VOPP1: variants seen among roughly 807,000 people sequenced by gnomAD.
The protein encoded by VOPP1 is WW domain binding protein VOPP1.
A neutral mutation model predicts 23.5 loss-of-function variants in VOPP1; 8 were observed. That is an observed-to-expected ratio of 0.34 (90% confidence interval 0.20 to 0.61). The LOEUF (loss-of-function observed/expected upper bound fraction) is 0.61. VOPP1 is among the 20% of genes least tolerant of loss of function. The probability of loss-of-function intolerance (pLI) is 0.78; values close to 1 mark genes in which losing one functional copy is unlikely to be tolerated. For missense variants in VOPP1, 174 were observed against 238.1 expected (o/e 0.73, Z 1.77); for synonymous variants, 83 against 97.3 (o/e 0.85, Z 0.86).
chr7:55,524,844 C>T (rs909384814), intron 1 of VOPP1, among the ~76,000 whole-genome samples: 1 of 152,168 alleles, frequency 6.6e-6, no homozygotes, highest in Admixed American at 6.5e-5. Context: ...ATGAGAAAGG[C>T]AGTCTCTGCC....
At chr7:55,457,111 C>T (rs1233888749) in intron 4 of VOPP1, among the ~76,000 whole-genome samples, 3 of 152,148 alleles carry the variant, frequency 2.0e-5, no homozygotes, top group East Asian at 1.9e-4. Flanking sequence ...ACTTCCCAGC[C>T]TCTGGTAATT....
In VOPP1 at chr7:55,538,536, T is replaced by C. The variant is rs902453945; in HGVS notation, c.55-17406A>G. On this transcript the variant is annotated intron_variant, in intron 1 of 4. Transcript: ENST00000285279. The stretch of plus-strand genomic sequence containing the variant: ...ACCCTATGGTCCAAAGACTGAGGAT[T>C]CCACAGTCCAACTGAGGATCACTGT... 3 of 1,356,988 alleles carry C rather than the reference T, an allele frequency of 2.2e-6. No individual in the cohort carries two copies. The African/African-American group carries it at 4.3e-5, about 20-fold the overall frequency. 84.1% of individuals were successfully genotyped at this position (1,356,988 alleles called of 1,614,324 possible). A position where few individuals can be genotyped will look rare whatever the true frequency, so the allele number is the denominator to read the frequency against.
chr7:55,560,648 A>T (rs1385408016), intron 1 of VOPP1, among the ~76,000 whole-genome samples: 1 of 152,116 alleles, frequency 6.6e-6, no homozygotes, highest in Non-Finnish European at 1.5e-5. Context: ...GAGGGAAGAT[A>T]ATAAATCTGG....
chr7:55,527,878 G>A (rs1796279359), intron 1 of VOPP1, among the ~76,000 whole-genome samples: 2 of 151,976 alleles, frequency 1.3e-5, no homozygotes, highest in Non-Finnish European at 2.9e-5. Context: ...ACAATAGTAT[G>A]GTTTTTAACC....
chr7:55,546,486 A>C (rs527425859), intron 1 of VOPP1, among the ~76,000 whole-genome samples: 6 of 152,364 alleles, frequency 3.9e-5, no homozygotes, highest in African/African-American at 1.4e-4. Context: ...GAAAAACTGG[A>C]GAGATCCAAA....
At chr7:55,564,929 T>C (rs545250910) in intron 1 of VOPP1, among the ~76,000 whole-genome samples, 2 of 152,312 alleles carry the variant, frequency 1.3e-5, no homozygotes, top group Admixed American at 1.3e-4. Context: ...ACCATCCAAA[T>C]GTGACTCCTA....
chr7:55,527,490 C>A (rs1053048449), intron 1 of VOPP1, among the ~76,000 whole-genome samples: 28 of 152,194 alleles, frequency 1.8e-4, no homozygotes, highest in Admixed American at 1.7e-3. Flanking sequence ...AAACCTTAAA[C>A]GAAGCCCAAC....
intron 4 of VOPP1, among the ~76,000 whole-genome samples, chr7:55,490,235 G>T (rs1254456959): frequency 6.6e-6 from 1 of 152,134 alleles, no homozygotes; most frequent in African/African-American, 2.4e-5. Flanking sequence ...CAGAGGAGCT[G>T]GTGGAGACCA....
intron 4 of VOPP1, among the ~76,000 whole-genome samples, chr7:55,454,616 T>C (rs1412906948): frequency 6.6e-6 from 1 of 152,214 alleles, no homozygotes; most frequent in African/African-American, 2.4e-5. Context: ...CAAGTTGGCT[T>C]CATCCCTGGG....
intron 1 of VOPP1, among the ~76,000 whole-genome samples, chr7:55,558,783 C>T (rs1295049460): frequency 6.6e-6 from 1 of 152,178 alleles, no homozygotes; most frequent in Non-Finnish European, 1.5e-5. Flanking sequence ...CACAGCATGG[C>T]TACAGGGTGA....
At chr7:55,546,674 T>C (rs1298466079) in intron 1 of VOPP1, among the ~76,000 whole-genome samples, 2 of 152,212 alleles carry the variant, frequency 1.3e-5, no homozygotes, top group African/African-American at 4.8e-5. Flanking sequence ...AAATTAAAAG[T>C]TGATTTAAAA....
Position 55,471,656 on chromosome 7 carries a change from G to C in VOPP1, c.*1199C>G, listed in dbSNP as rs1273078165. Reference sequence around the variant, plus strand: ...CCGTCAACTACTCAGGAGACTACCTGTGAGATCCTGGGGTGAGCTGTGATT... The same window carrying C: ...CCGTCAACTACTCAGGAGACTACCTCTGAGATCCTGGGGTGAGCTGTGATT... On this transcript the variant is annotated 3_prime_UTR_variant, in exon 5 of 5. Coordinates refer to ENST00000285279, the MANE Select transcript of VOPP1 (RefSeq NM_030796.5). The C allele has an allele frequency of 1.3e-5, 2 of 151,818 alleles. No homozygotes were observed. Among genetic ancestry groups the C allele is most frequent in the East Asian group, 3.9e-4 (2 of 5,194 alleles). 9.4% of individuals were successfully genotyped at this position (151,818 alleles called of 1,614,324 possible).
At chr7:55,554,305 C>T (rs1450268382) in intron 1 of VOPP1, among the ~76,000 whole-genome samples, 5 of 152,232 alleles carry the variant, frequency 3.3e-5, no homozygotes, top group Non-Finnish European at 5.9e-5. Flanking sequence ...TATCTCGTTC[C>T]ATCCAGGATC....
chr7:55,485,559 G>C (rs555096291), intron 4 of VOPP1, among the ~76,000 whole-genome samples: 90 of 152,330 alleles, frequency 5.9e-4, no homozygotes, highest in Admixed American at 3.2e-3. Flanking sequence ...GTTTTTCTAT[G>C]AGAGGAGGTC....
Position 55,567,535 on chromosome 7 carries a change from C to G in VOPP1, c.54+4736G>C, listed in dbSNP as rs1225308826. ...GAGCACTAGCCTAATCCTATCCTTGCCATGTATTTCTAAGTCATTTACCCT... is the reference window on the plus strand; with the variant it reads ...GAGCACTAGCCTAATCCTATCCTTGGCATGTATTTCTAAGTCATTTACCCT... On this transcript the variant is annotated intron_variant, in intron 1 of 4. Coordinates refer to ENST00000285279, the MANE Select transcript of VOPP1 (RefSeq NM_030796.5). Among the ~76,000 whole-genome samples, 17 of 152,298 alleles carry G rather than the reference C, an allele frequency of 1.1e-4. 1 individual carries two copies. Among genetic ancestry groups the G allele is most frequent in the Admixed American group, 7.8e-4 (12 of 15,296 alleles).
At chr7:55,492,013 G>A (rs1253546673) in intron 4 of VOPP1, among the ~76,000 whole-genome samples, 2 of 152,184 alleles carry the variant, frequency 1.3e-5, no homozygotes, top group African/African-American at 2.4e-5. Flanking sequence ...AGGGCAGAGA[G>A]CAAATAATAC....
chr7:55,435,973 G>T (rs754740871), downstream of VOPP1: 4 of 152,294 alleles, frequency 2.6e-5, no homozygotes, highest in African/African-American at 4.8e-5. Flanking sequence ...GACTCAGAGG[G>T]CCTCCCTCAG....
chr7:55,493,849 T>A (rs1793756362), intron 3 of VOPP1, among the ~76,000 whole-genome samples: 1 of 152,220 alleles, frequency 6.6e-6, no homozygotes, highest in African/African-American at 2.4e-5. Flanking sequence ...TACATAAATA[T>A]AATTTACTAT....
At chr7:55,488,292 GC>G (rs1242514181) in intron 4 of VOPP1, among the ~76,000 whole-genome samples, 1 of 152,110 alleles carries the variant, frequency 6.6e-6, no homozygotes, top group Non-Finnish European at 1.5e-5. Flanking sequence ...CAGACCTCAG[GC>G]CTCTTAACTC....
Sources: allele counts gnomAD v4.1 joint callset (sites outside exome capture counted in the v4.1 genomes callset), GRCh38; gene constraint gnomAD v4.1.1; transcripts MANE v1.5; gene names NCBI Gene and HGNC (gene_info 2026-07-23, HGNC 2026-07-21).